GLI3: variants seen among roughly 807,000 people sequenced by gnomAD.
GLI3 encodes the protein GLI family zinc finger 3.
In GLI3, 20 loss-of-function variants were observed where a neutral mutation model predicts 100.8. The observed-to-expected ratio is 0.20, with a 90% CI of 0.14 to 0.29. The LOEUF is 0.29. Among genes scored for constraint, GLI3 ranks in the 10% least tolerant of loss-of-function variants. The probability of loss-of-function intolerance (pLI) is 1.00; values close to 1 mark genes in which losing one functional copy is unlikely to be tolerated. For synonymous variants in GLI3, 938 were observed against 860.5 expected (o/e 1.09, Z -1.58); for missense variants, 2,040 against 2,128.5 (o/e 0.96, Z 0.82).
intron 10 of GLI3, among the ~76,000 whole-genome samples, chr7:41,993,974 T>C (rs1270089740): frequency 6.6e-6 from 1 of 152,184 alleles, no homozygotes; most frequent in African/African-American, 2.4e-5. Flanking sequence ...TGGCTCCTAT[T>C]TGTTATAAAT....
At chr7:42,116,178 T>C (rs764087565) in intron 3 of GLI3, among the ~76,000 whole-genome samples, 15 of 152,116 alleles carry the variant, frequency 9.9e-5, no homozygotes, top group Non-Finnish European at 1.3e-4. Context: ...AAAATTCAAA[T>C]TCAAACGTGG....
chr7:42,148,112 C>G (rs1213016813), intron 3 of GLI3, 114 bp downstream of exon 3: 2 of 1,111,270 alleles, frequency 1.8e-6, no homozygotes, highest in African/African-American at 3.2e-5. Flanking sequence ...ATAAATTATA[C>G]AAGCCAAAAC....
Position 42,074,311 on chromosome 7 carries a change from A to G in GLI3, c.473+2441T>C, listed in dbSNP as rs190402679. Among the ~76,000 whole-genome samples the G allele has an allele frequency of 2.4e-3, 364 of 152,324 alleles. 2 individuals carry two copies. Among genetic ancestry groups the G allele is most frequent in the Non-Finnish European group, 4.6e-3 (310 of 68,030 alleles). On this transcript the variant is annotated intron_variant, in intron 4 of 14. Transcript: ENST00000395925. ...GCACAGCACAAGTGAGTGGCAACACAAGAACAGGAATTCGAGCTCTCTGAC... is the reference window on the plus strand; with the variant it reads ...GCACAGCACAAGTGAGTGGCAACACGAGAACAGGAATTCGAGCTCTCTGAC...
intron 3 of GLI3, among the ~76,000 whole-genome samples, chr7:42,147,840 G>A (rs921500315): frequency 1.3e-5 from 2 of 152,156 alleles, no homozygotes; most frequent in Non-Finnish European, 2.9e-5. Context: ...CGGCTGTTGA[G>A]CACTTCTCTT....
intron 2 of GLI3, among the ~76,000 whole-genome samples, chr7:42,183,049 C>G (rs1583628748): frequency 6.6e-6 from 1 of 151,780 alleles, no homozygotes. Flanking sequence ...GGTGAAACCC[C>G]GTCTCTACTA....
chr7:42,140,638 G>A (rs966749674), intron 3 of GLI3, among the ~76,000 whole-genome samples: 2 of 152,142 alleles, frequency 1.3e-5, no homozygotes, highest in Non-Finnish European at 2.9e-5. Flanking sequence ...TGCCAGATCG[G>A]TTACTCTAAA....
intron 7 of GLI3, among the ~76,000 whole-genome samples, chr7:42,034,418 G>C (rs1235620892): frequency 6.6e-6 from 1 of 152,084 alleles, no homozygotes; most frequent in African/African-American, 2.4e-5. Context: ...GGGCCTCCAG[G>C]GAAGGCCCTT....
chr7:42,180,586 G>A (rs935579611), intron 2 of GLI3, among the ~76,000 whole-genome samples: 1 of 152,194 alleles, frequency 6.6e-6, no homozygotes, highest in South Asian at 2.1e-4. Context: ...CTGGAGGGTA[G>A]GACCCAGGAT....
chr7:42,064,395 T>C (rs766562277), intron 4 of GLI3, among the ~76,000 whole-genome samples: 32 of 152,188 alleles, frequency 2.1e-4, no homozygotes, highest in Non-Finnish European at 4.1e-4. Context: ...CCTGCAGAGA[T>C]GACGGAAAGT....
At chr7:42,253,593 C>T (rs1341583686) in intron 1 of GLI3, among the ~76,000 whole-genome samples, 4 of 152,230 alleles carry the variant, frequency 2.6e-5, no homozygotes, top group Non-Finnish European at 5.9e-5. Flanking sequence ...CATGAAGTCT[C>T]TGGAGCCAGA....
chr7:42,239,370 A>G (rs886609942), upstream of GLI3, among the ~76,000 whole-genome samples: 3 of 152,210 alleles, frequency 2.0e-5, no homozygotes, highest in Non-Finnish European at 4.4e-5. Flanking sequence ...CCAATGAGAA[A>G]TACATGGAAA....
rs3839735 is a variant in GLI3 at position 42,149,675 on chromosome 7, A to AG, written c.125-1208_125-1207insC. 1.9e-3 allele frequency among the ~76,000 whole-genome samples: 286 copies of AG among 152,350 alleles called. 9 individuals carry two copies. In the East Asian group the frequency reaches 0.051, roughly 27 times the overall value. On this transcript the variant is annotated intron_variant, in intron 2 of 14. Transcript: ENST00000395925. ...TTTCCTATTCCTATCTTAAAAAAAA[A>AG]CTGTATTTGGGTATAAATAATAATA...
chr7:42,055,472 C>T (rs550811519), intron 4 of GLI3, among the ~76,000 whole-genome samples: 2 of 152,090 alleles, frequency 1.3e-5, no homozygotes, highest in East Asian at 1.9e-4. Context: ...AAGTCCCCTC[C>T]TCCCTCTCTG....
chr7:42,206,063 T>C (rs1583646946), intron 2 of GLI3, among the ~76,000 whole-genome samples: 1 of 152,058 alleles, frequency 6.6e-6, no homozygotes, highest in Non-Finnish European at 1.5e-5. Flanking sequence ...AGGTCAGAAG[T>C]TCGAGACCAG....
chr7:42,191,169 T>C (rs1007032952), intron 2 of GLI3, among the ~76,000 whole-genome samples: 1 of 152,172 alleles, frequency 6.6e-6, no homozygotes, highest in East Asian at 1.9e-4. Context: ...TATTGGCAGA[T>C]AGTATTATAG....
chr7:42,080,631 G>A (rs1784977877), intron 3 of GLI3, among the ~76,000 whole-genome samples: 2 of 152,176 alleles, frequency 1.3e-5, no homozygotes, highest in African/African-American at 4.8e-5. Context: ...TTCAAGACGT[G>A]CTTGACTATA....
At chr7:42,181,131 G>A (rs1221639168) in intron 2 of GLI3, among the ~76,000 whole-genome samples, 1 of 152,178 alleles carries the variant, frequency 6.6e-6, no homozygotes, top group Non-Finnish European at 1.5e-5. Flanking sequence ...AACAGGCTGG[G>A]TTTGGCCCTC....
chr7:42,136,693 G>A (rs1161419221), intron 3 of GLI3, among the ~76,000 whole-genome samples: 1 of 152,226 alleles, frequency 6.6e-6, no homozygotes, highest in Non-Finnish European at 1.5e-5. Context: ...GGGGAGGGCA[G>A]AGGTAGCAAG....
At chr7:42,014,406 TG>T (rs779444879) in intron 10 of GLI3, among the ~76,000 whole-genome samples, 8 of 152,238 alleles carry the variant, frequency 5.3e-5, no homozygotes, top group Admixed American at 1.3e-4. Flanking sequence ...ACAAATCATT[TG>T]TAATTATATT....
Sources: allele counts gnomAD v4.1 joint callset (sites outside exome capture counted in the v4.1 genomes callset), GRCh38; gene constraint gnomAD v4.1.1; transcripts MANE v1.5; gene names NCBI Gene and HGNC (gene_info 2026-07-23, HGNC 2026-07-21).